Variants in PDS5B observed in about 807,000 individuals in gnomAD.
The protein encoded by PDS5B is sister chromatid cohesion protein PDS5 homolog B.
A neutral mutation model predicts 184.1 loss-of-function variants in PDS5B; 51 were observed. The ratio of observed to expected loss-of-function variants is 0.28; its 90% CI spans 0.22 to 0.35. The LOEUF is 0.35. Ranked by LOEUF, PDS5B falls within the 10% of genes least tolerant of loss-of-function variation. The probability of loss-of-function intolerance (pLI) is 1.00; values close to 1 mark genes in which losing one functional copy is unlikely to be tolerated. For missense variants in PDS5B, 1,180 were observed against 1,723.3 expected (o/e 0.68, Z 5.58); for synonymous variants, 566 against 569.2 (o/e 0.99, Z 0.08).
chr13:32,646,110 G>A (rs1031771862), intron 1 of PDS5B, among the ~76,000 whole-genome samples: 4 of 151,972 alleles, frequency 2.6e-5, no homozygotes, highest in Non-Finnish European at 5.9e-5. Context: ...GCTTAAGCAG[G>A]ACTTCCACCT....
chr13:32,657,297 G>T lies in PDS5B; in HGVS notation c.313-942G>T, dbSNP rs531687521. On this transcript the variant is annotated intron_variant, in intron 3 of 34. Transcript: ENST00000315596. ...ATTTTTAGGATAGTTAGGTTTTCTT[G>T]TTGAATTGAACCCTTTATCAGTATG... Among the ~76,000 whole-genome samples, 7 of 152,272 alleles carry T rather than the reference G, an allele frequency of 4.6e-5. No individual in the cohort carries two copies. The South Asian group carries it at 1.4e-3, about 32-fold the overall frequency.
chr13:32,635,753 T>C (rs1019693410), intron 1 of PDS5B, among the ~76,000 whole-genome samples: 1 of 147,294 alleles, frequency 6.8e-6, no homozygotes, highest in Non-Finnish European at 1.5e-5. Context: ...GCTCCGATTT[T>C]TTAGTATTCT....
intron 22 of PDS5B, among the ~76,000 whole-genome samples, chr13:32,741,741 G>GTGTA (rs1288661106): frequency 1.5e-5 from 2 of 134,862 alleles, no homozygotes; most frequent in Non-Finnish European, 3.3e-5. Context: ...GTGTGTGTGT[G>GTGTA]TATTTGTTTA....
intron 11 of PDS5B, among the ~76,000 whole-genome samples, chr13:32,685,108 C>G (rs1013318987): frequency 6.6e-6 from 1 of 152,042 alleles, no homozygotes; most frequent in Non-Finnish European, 1.5e-5. Flanking sequence ...AGTGAGACTC[C>G]GTCTCAAAAA....
chr13:32,591,553 C>T (rs73451410), intron 1 of PDS5B, among the ~76,000 whole-genome samples: 1,857 of 152,128 alleles, frequency 0.012, 46 homozygotes, highest in African/African-American at 0.042. Context: ...TTTTTTCTGA[C>T]TCCTGTTGAG....
chr13:32,710,214 G>C, intron 19 of PDS5B, 108 bp downstream of exon 19: 1 of 692,030 alleles, frequency 1.4e-6, no homozygotes, highest in Non-Finnish European at 2.2e-6. Context: ...AACTGTCTAG[G>C]TTATCTTAAG....
In PDS5B at chr13:32,672,810, A is replaced by G. The variant is rs116484374; in HGVS notation, c.706-406A>G. ...ATCTTTCCACTCAGTCTACAAGCCA[A>G]TCTCCTCTGCAAACATCATTGCAGA... On this transcript the variant is annotated intron_variant, in intron 7 of 34. Transcript: ENST00000315596. Among the ~76,000 whole-genome samples the G allele has an allele frequency of 7.3e-3, 1,117 of 152,312 alleles. 11 individuals carry two copies. The highest frequency in any genetic ancestry group is 0.025 in the African/African-American group (1,058 of 41,560).
At chr13:32,591,183 C>G (rs1237575407) in intron 1 of PDS5B, among the ~76,000 whole-genome samples, 1 of 151,850 alleles carries the variant, frequency 6.6e-6, no homozygotes, top group East Asian at 1.9e-4. Context: ...GACTGGAGTG[C>G]AGTGGGGCAA....
intron 1 of PDS5B, among the ~76,000 whole-genome samples, chr13:32,631,071 G>A (rs928260357): frequency 7.9e-5 from 12 of 151,074 alleles, no homozygotes; most frequent in Non-Finnish European, 1.6e-4. Context: ...GGGATTACAG[G>A]CATGAGCCAC....
At chr13:32,586,998 C>T (rs1416200774) in intron 1 of PDS5B, among the ~76,000 whole-genome samples, 2 of 140,504 alleles carry the variant, frequency 1.4e-5, no homozygotes, top group Non-Finnish European at 1.5e-5. Context: ...CTCCCGCCGC[C>T]GCCGTCGCCG....
chr13:32,666,384 C>A (rs1261984464), intron 6 of PDS5B, among the ~76,000 whole-genome samples: 1 of 151,964 alleles, frequency 6.6e-6, no homozygotes, highest in East Asian at 1.9e-4. Flanking sequence ...CATCCTCTTT[C>A]TAGTATTTGA....
chr13:32,613,746 C>A (rs1170737251), intron 1 of PDS5B, among the ~76,000 whole-genome samples: 2 of 152,148 alleles, frequency 1.3e-5, no homozygotes, highest in East Asian at 1.9e-4. Context: ...TTAATCATGT[C>A]TGTTTAACCT....
chr13:32,614,418 C>G (rs781586713), intron 1 of PDS5B, among the ~76,000 whole-genome samples: 10 of 151,932 alleles, frequency 6.6e-5, no homozygotes, highest in Non-Finnish European at 1.3e-4. Context: ...ATGCCTTGGC[C>G]TCTAGAGTAG....
intron 24 of PDS5B, among the ~76,000 whole-genome samples, chr13:32,750,375 T>C (rs1452241042): frequency 6.6e-6 from 1 of 152,186 alleles, no homozygotes; most frequent in Non-Finnish European, 1.5e-5. Flanking sequence ...TTACCCAGTT[T>C]GTAATTGGGT....
Position 32,630,376 on chromosome 13 carries a change from C to G in PDS5B, c.-19-18378C>G, listed in dbSNP as rs73451442. Among the ~76,000 whole-genome samples, 881 of 152,150 alleles carry G rather than the reference C, an allele frequency of 5.8e-3. 14 individuals carry two copies. Among genetic ancestry groups the G allele is most frequent in the African/African-American group, 0.02 (830 of 41,494 alleles). On this transcript the variant is annotated intron_variant, in intron 1 of 34. Coordinates refer to ENST00000315596, the MANE Select transcript of PDS5B (RefSeq NM_015032.4). ...TGTCTGGAGACATTTTTGGTTGTCA[C>G]AACTGGGGATGGTGATGGTGTGCAT...
At chr13:32,656,045 A>G (rs1950504453) in intron 3 of PDS5B, among the ~76,000 whole-genome samples, 2 of 152,172 alleles carry the variant, frequency 1.3e-5, no homozygotes, top group South Asian at 2.1e-4. Context: ...TCTGCATATG[A>G]CTAGCTAGTT....
At position 32,751,643 on chromosome 13, in the gene PDS5B, T is replaced by C. The variant is rs1383373442; in HGVS notation, c.2737-1689T>C. 3.9e-5 allele frequency among the ~76,000 whole-genome samples: 6 copies of C among 152,308 alleles called. No individual in the cohort carries two copies. The East Asian group carries it at 1.2e-3, about 29-fold the overall frequency. Reference sequence around the variant, plus strand: ...CATTTTTTCATATGCTTGTTGTCTGTGTGTATATCTTCTTTTGAAAAGTGT... The same window carrying C: ...CATTTTTTCATATGCTTGTTGTCTGCGTGTATATCTTCTTTTGAAAAGTGT... On this transcript the variant is annotated intron_variant, in intron 24 of 34. Coordinates refer to ENST00000315596, the MANE Select transcript of PDS5B (RefSeq NM_015032.4).
chr13:32,654,158 T>G lies in PDS5B; in HGVS notation c.312+2151T>G, dbSNP rs1950439006. Among the ~76,000 whole-genome samples, 4 of 152,214 alleles carry G rather than the reference T, an allele frequency of 2.6e-5. 1 individual carries two copies. In the South Asian group the frequency reaches 8.3e-4, roughly 32 times the overall value. On this transcript the variant is annotated intron_variant, in intron 3 of 34. Transcript: ENST00000315596. Reference sequence around the variant, plus strand: ...TCTTTTTGGGGGATAGTACTTAAAATTACTGACTTTGAGGGTGCTTTCTAA... The same window carrying G: ...TCTTTTTGGGGGATAGTACTTAAAAGTACTGACTTTGAGGGTGCTTTCTAA...
At chr13:32,672,124 C>T (rs141794709) in intron 7 of PDS5B, among the ~76,000 whole-genome samples, 3 of 151,976 alleles carry the variant, frequency 2.0e-5, no homozygotes, top group African/African-American at 2.4e-5. Flanking sequence ...TGTTGTAAAC[C>T]GTGTAGATAT....
Sources: allele counts gnomAD v4.1 joint callset (sites outside exome capture counted in the v4.1 genomes callset), GRCh38; gene constraint gnomAD v4.1.1; transcripts MANE v1.5; gene names NCBI Gene and HGNC (gene_info 2026-07-23, HGNC 2026-07-21).